Variants in ZMIZ1 observed in about 807,000 individuals in gnomAD.
ZMIZ1 encodes zinc finger MIZ domain-containing protein 1.
A neutral mutation model predicts 113.9 loss-of-function variants in ZMIZ1; 17 were observed. That is an observed-to-expected ratio of 0.15 (90% CI 0.10 to 0.22). The LOEUF (loss-of-function observed/expected upper bound fraction) is 0.22. ZMIZ1 is among the 10% of genes least tolerant of loss of function. ZMIZ1 has a pLI of 1.00. For missense variants in ZMIZ1, 1,059 were observed against 1,477.8 expected (o/e 0.72, Z 4.65); for synonymous variants, 607 against 603.1 (o/e 1.01, Z -0.09).
At chr10:79,168,294 A>C (rs1050133869) in intron 4 of ZMIZ1, among the ~76,000 whole-genome samples, 4 of 152,136 alleles carry the variant, frequency 2.6e-5, no homozygotes, top group African/African-American at 9.7e-5. Flanking sequence ...ACCTCCTCCC[A>C]CCAGCAAGGG....
At position 79,277,081 on chromosome 10, in the gene ZMIZ1, C is replaced by T. The variant is rs1852340283; in HGVS notation, c.281-100C>T. ...CGTCACACGAATCTGGGAGCAAAAC[C>T]AGCATGGATAGCACCCAGTCTGGGG... On this transcript the variant is annotated intron_variant, in intron 7 of 24. Transcript: ENST00000334512. The T allele has an allele frequency of 5.7e-6, 8 of 1,393,660 alleles. No individual in the cohort carries two copies. In the Admixed American group the frequency reaches 2.3e-4, roughly 41 times the overall value. 86.3% of individuals were successfully genotyped at this position (1,393,660 alleles called of 1,614,324 possible).
chr10:79,289,073 C>T (rs1589571981), intron 8 of ZMIZ1, among the ~76,000 whole-genome samples: 1 of 152,158 alleles, frequency 6.6e-6, no homozygotes, highest in Non-Finnish European at 1.5e-5. Context: ...TGTGTTTGGA[C>T]TCTGCCTTAT....
chr10:79,153,085 C>A (rs145217205), intron 3 of ZMIZ1, among the ~76,000 whole-genome samples: 1 of 152,224 alleles, frequency 6.6e-6, no homozygotes, highest in Non-Finnish European at 1.5e-5. Flanking sequence ...TCTGAAAGAA[C>A]GAATGAGACC....
At chr10:79,109,230 G>A (rs528651572) in intron 1 of ZMIZ1, among the ~76,000 whole-genome samples, 4 of 152,334 alleles carry the variant, frequency 2.6e-5, no homozygotes, top group Non-Finnish European at 5.9e-5. Context: ...CATTGGTGAG[G>A]GGTGTACATG....
At chr10:79,137,123 G>A (rs1179848872) in intron 2 of ZMIZ1, among the ~76,000 whole-genome samples, 1 of 152,216 alleles carries the variant, frequency 6.6e-6, no homozygotes, top group African/African-American at 2.4e-5. Context: ...CTCAGGCCCT[G>A]CAACCTGAGC....
Position 79,139,748 on chromosome 10 carries a change from G to A in ZMIZ1, c.-160G>A. The A allele has an allele frequency of 5.0e-6, 2 of 398,826 alleles. No individual in the cohort carries two copies. Among genetic ancestry groups the A allele is most frequent in the Non-Finnish European group, 4.4e-6 (1 of 226,208 alleles). 24.7% of individuals were successfully genotyped at this position (398,826 alleles called of 1,614,324 possible). On this transcript the variant is annotated 5_prime_UTR_variant, in exon 3 of 25. Transcript: ENST00000334512. ...AAGGGGTGTGAGGAGAGGAGCCGCT[G>A]TTTTTCACTGAGCTGCCATACCCCG...
rs769834010 is a variant in ZMIZ1 at position 79,298,580 on chromosome 10, G to C, written c.1666G>C (p.Ala556Pro). 6.3e-7 allele frequency: 1 copy of C among 1,594,894 alleles called. No individual in the cohort carries two copies. The highest frequency in any genetic ancestry group is 8.5e-7 in the Non-Finnish European group (1 of 1,173,310). Residue 556 changes from alanine (A) to proline (P), a missense_variant and splice_region_variant, in exon 15 of 25, where the codon GCC (alanine) becomes CCC (proline). Transcript: ENST00000334512. Reference protein sequence around the residue: ...PNMSALPPPPANHNDELRLTF... With the variant: ...PNMSALPPPPPNHNDELRLTF... ...TATGAGCGCTCTGCCACCACCCCCAGGTGAGGGCCCTCCCTCCCTCTCTTG... is the reference window on the plus strand; with the variant it reads ...TATGAGCGCTCTGCCACCACCCCCACGTGAGGGCCCTCCCTCCCTCTCTTG...
In ZMIZ1 at chr10:79,314,689, T is replaced by A. The variant is rs372933725; in HGVS notation, c.*1940T>A. The A allele has an allele frequency of 1.1e-4, 18 of 168,950 alleles. No individual in the cohort carries two copies. Among genetic ancestry groups the A allele is most frequent in the African/African-American group, 2.4e-4 (10 of 41,522 alleles). The allele number at this position is 168,950 out of a possible 1,614,324, so 10.5% of individuals were successfully genotyped here. A position where few individuals can be genotyped will look rare whatever the true frequency, so the allele number is the denominator to read the frequency against. ...ACAAAGACCGAGTCTTCTTTTTTTT[T>A]AAACAAAAACAAAAAAAGCAACCAG... On this transcript the variant is annotated 3_prime_UTR_variant, in exon 25 of 25. Coordinates refer to ENST00000334512, the MANE Select transcript of ZMIZ1 (RefSeq NM_020338.4).
At chr10:79,288,268 C>T (rs770274821) in intron 8 of ZMIZ1, among the ~76,000 whole-genome samples, 1 of 152,218 alleles carries the variant, frequency 6.6e-6, no homozygotes, top group Non-Finnish European at 1.5e-5. Flanking sequence ...CCTCCGCCTC[C>T]CTCTGGGAAG....
Position 79,277,211 on chromosome 10 carries a change from G to A in ZMIZ1, c.311G>A (p.Gly104Asp). ...ALLSSWCEEL[G>D]RLLLLRHQKS... ...TTGTCCTCCTGGTGCGAAGAGCTCG[G>A]CCGCCTGCTGCTGCTCCGACATCAG... is the stretch of plus-strand genomic sequence containing the variant. The change falls in exon 8 of 25, where the codon GGC (glycine) becomes GAC (aspartate). Residue 104 changes from glycine (G) to aspartate (D), a missense_variant. Gly to Asp is a moderately conservative substitution (Grantham distance 94). Transcript: ENST00000334512. The A allele has an allele frequency of 6.3e-7, 1 of 1,578,600 alleles. No homozygotes were observed. The highest frequency in any genetic ancestry group is 1.1e-5 in the South Asian group (1 of 87,198).
chr10:79,174,430 T>C (rs1446290610), intron 4 of ZMIZ1, among the ~76,000 whole-genome samples: 1 of 152,178 alleles, frequency 6.6e-6, no homozygotes, highest in Non-Finnish European at 1.5e-5. Context: ...TGCCAGTAGA[T>C]TGCACCTCCA....
intron 3 of ZMIZ1, among the ~76,000 whole-genome samples, chr10:79,155,698 G>A (rs1026628015): frequency 6.6e-6 from 1 of 152,230 alleles, no homozygotes; most frequent in Non-Finnish European, 1.5e-5. Context: ...TGGACAGGGA[G>A]CAAGGCCTTG....
At chr10:79,155,362 A>G (rs1845868075) in intron 3 of ZMIZ1, among the ~76,000 whole-genome samples, 2 of 152,300 alleles carry the variant, frequency 1.3e-5, no homozygotes, top group Admixed American at 1.3e-4. Flanking sequence ...ACTCAAAGGA[A>G]AGGGAAGCCA....
intron 1 of ZMIZ1, among the ~76,000 whole-genome samples, chr10:79,083,251 T>C (rs1842717328): frequency 6.6e-6 from 1 of 152,216 alleles, no homozygotes; most frequent in South Asian, 2.1e-4. Flanking sequence ...CTGAAGAGGC[T>C]GCATTTGAGC....
rs1274779751 is a variant in ZMIZ1 at position 79,314,514 on chromosome 10, G to A, written c.*1765G>A. ...CCCGTTGTCGAGGTTTTTTCAAATA[G>A]CGTGTTGTTCAGTATGCAAATCAAT... On this transcript the variant is annotated 3_prime_UTR_variant, in exon 25 of 25. Coordinates refer to ENST00000334512, the MANE Select transcript of ZMIZ1 (RefSeq NM_020338.4). 6.0e-6 allele frequency: 2 copies of A among 332,824 alleles called. No homozygotes were observed. Among genetic ancestry groups the A allele is most frequent in the Non-Finnish European group, 1.2e-5 (2 of 169,196 alleles). The allele number at this position is 332,824 out of a possible 1,614,324, so 20.6% of individuals were successfully genotyped here.
intron 1 of ZMIZ1, among the ~76,000 whole-genome samples, chr10:79,111,280 G>A (rs1843726972): frequency 6.6e-6 from 1 of 152,234 alleles, no homozygotes; most frequent in Non-Finnish European, 1.5e-5. Flanking sequence ...GGGCTCGGAG[G>A]TCATGGGGCC....
chr10:79,149,455 G>A lies in ZMIZ1; in HGVS notation c.-131+9678G>A, dbSNP rs1370171213. Among the ~76,000 whole-genome samples the A allele has an allele frequency of 2.0e-5, 3 of 152,182 alleles. 1 individual carries two copies. The highest frequency in any genetic ancestry group is 4.1e-4 in the South Asian group (2 of 4,832). ...TGCACTCCCACCATACCCCCAACCT[G>A]TGGACAGGTGAGCCTCCAGTTCCTG... is the stretch of plus-strand genomic sequence containing the variant. On this transcript the variant is annotated intron_variant, in intron 3 of 24. Transcript: ENST00000334512.
At chr10:79,126,828 G>A (rs563505902) in intron 2 of ZMIZ1, among the ~76,000 whole-genome samples, 1 of 152,304 alleles carries the variant, frequency 6.6e-6, no homozygotes, top group African/African-American at 2.4e-5. Context: ...TGATGCTGGG[G>A]ATATGAGCTG....
intron 1 of ZMIZ1, among the ~76,000 whole-genome samples, chr10:79,085,782 C>T (rs1251280111): frequency 6.6e-6 from 1 of 152,234 alleles, no homozygotes; most frequent in Non-Finnish European, 1.5e-5. Flanking sequence ...TGAGAAGTGC[C>T]TCTCCCTCTG....
Sources: gnomAD v4.1 joint callset for allele counts (sites outside exome capture counted in the v4.1 genomes callset) on GRCh38, gnomAD v4.1.1 for gene constraint, MANE v1.5 for transcripts, NCBI Gene and HGNC (gene_info 2026-07-23, HGNC 2026-07-21) for gene names.